The following CCDC30 variants were observed in gnomAD, a reference collection of about 807,000 sequenced individuals.
CCDC30 encodes coiled-coil domain containing 30, also known as coiled-coil domain-containing protein 30.
A neutral mutation model predicts 100.2 loss-of-function variants in CCDC30; 70 were observed. The ratio of observed to expected loss-of-function variants is 0.70; its 90% CI spans 0.58 to 0.85. The LOEUF is 0.85. Ranked by LOEUF, CCDC30 falls within the 40% of genes least tolerant of loss-of-function variation. The probability of loss-of-function intolerance (pLI) is 0.00; values close to 1 mark genes in which losing one functional copy is unlikely to be tolerated. For synonymous variants in CCDC30, 233 were observed against 269.5 expected, an observed-to-expected ratio of 0.86 and a Z score of 1.33; for missense variants, 652 against 771.2, an observed-to-expected ratio of 0.85 and a Z score of 1.83.
intron 13 of CCDC30, among the ~76,000 whole-genome samples, chr1:42,644,333 CTCTT>C (rs1316710454): frequency 1.3e-5 from 2 of 152,246 alleles, no homozygotes; most frequent in African/African-American, 4.8e-5. Flanking sequence ...AGGCCTGTCT[CTCTT>C]TTTCACGTTT....
At chr1:42,619,920 T>C (rs1335017872) in intron 11 of CCDC30, among the ~76,000 whole-genome samples, 3 of 152,242 alleles carry the variant, frequency 2.0e-5, no homozygotes, top group African/African-American at 7.2e-5. Flanking sequence ...TTCATTTCCT[T>C]CAACTTACAA....
At chr1:42,584,959 G>T (rs72661304) in intron 9 of CCDC30, among the ~76,000 whole-genome samples, 19,589 of 152,152 alleles carry the variant, frequency 0.13, 1,454 homozygotes, top group East Asian at 0.17. Flanking sequence ...AGATTGCAGA[G>T]AATTGGTATC....
intron 6 of CCDC30, among the ~76,000 whole-genome samples, chr1:42,499,264 G>A (rs1644271454): frequency 6.6e-6 from 1 of 152,192 alleles, no homozygotes; most frequent in African/African-American, 2.4e-5. Flanking sequence ...AGCCTCTGAA[G>A]TGGTGAGCAA....
intron 6 of CCDC30, among the ~76,000 whole-genome samples, chr1:42,562,154 C>A (rs1645502133): frequency 6.6e-6 from 1 of 152,156 alleles, no homozygotes; most frequent in Non-Finnish European, 1.5e-5. Flanking sequence ...CCAAGACAAT[C>A]CTAAGCAAAA....
chr1:42,531,931 G>A (rs1328018370), intron 6 of CCDC30, among the ~76,000 whole-genome samples: 2 of 152,122 alleles, frequency 1.3e-5, no homozygotes, highest in African/African-American at 4.8e-5. Context: ...ATTTACACAT[G>A]AGAAAACCAA....
At chr1:42,570,652 A>C (rs983610755) in intron 7 of CCDC30, among the ~76,000 whole-genome samples, 3 of 152,138 alleles carry the variant, frequency 2.0e-5, no homozygotes, top group African/African-American at 7.2e-5. Context: ...TTTATCAACT[A>C]TTTATGAATC....
At chr1:42,598,226 G>C (rs1210885214) in intron 10 of CCDC30, among the ~76,000 whole-genome samples, 1 of 147,188 alleles carries the variant, frequency 6.8e-6, no homozygotes, top group Non-Finnish European at 1.5e-5. Flanking sequence ...ATCCTTCAAA[G>C]GTGAGGGAAG....
exon 13 of CCDC30, chr1:42,642,475 G>A (rs1347285051): frequency 7.1e-6 from 11 of 1,556,094 alleles, no homozygotes; most frequent in African/African-American, 1.4e-5. Flanking sequence ...ATCCCTAGGA[G>A]AAGGCAATAC....
chr1:42,602,308 A>G (rs1646419935), intron 10 of CCDC30, among the ~76,000 whole-genome samples: 1 of 152,134 alleles, frequency 6.6e-6, no homozygotes, highest in Non-Finnish European at 1.5e-5. Context: ...GAAGAAATCA[A>G]TGAAATTTAA....
intron 1 of CCDC30, among the ~76,000 whole-genome samples, chr1:42,470,428 CAT>C (rs1643731731): frequency 6.6e-6 from 1 of 151,958 alleles, no homozygotes; most frequent in South Asian, 2.1e-4. Flanking sequence ...AAAAGTTAAA[CAT>C]AGAATTATAT....
At chr1:42,544,185 G>C (rs530386027) in intron 6 of CCDC30, among the ~76,000 whole-genome samples, 3 of 152,004 alleles carry the variant, frequency 2.0e-5, no homozygotes, top group African/African-American at 4.8e-5. Context: ...GAGCCACTGC[G>C]CCTAGCCCAT....
chr1:42,577,337 T>C, intron 8 of CCDC30, 108 bp downstream of exon 12: 1 of 761,960 alleles, frequency 1.3e-6, no homozygotes, highest in Non-Finnish European at 2.1e-6. Context: ...GATAGAATTC[T>C]AAGATTTTTT....
intron 11 of CCDC30, among the ~76,000 whole-genome samples, chr1:42,613,823 T>C (rs1308944981): frequency 6.6e-6 from 1 of 152,168 alleles, no homozygotes; most frequent in African/African-American, 2.4e-5. Flanking sequence ...CAGGGATCTT[T>C]GTGACCTGTA....
chr1:42,636,481 A>G (rs1473445849), intron 11 of CCDC30, among the ~76,000 whole-genome samples: 3 of 152,162 alleles, frequency 2.0e-5, no homozygotes, highest in Admixed American at 1.3e-4. Flanking sequence ...GAAATTAGAT[A>G]AGATTGAAGG....
intron 6 of CCDC30, among the ~76,000 whole-genome samples, chr1:42,525,324 CCA>C (rs1644707571): frequency 6.6e-6 from 1 of 152,052 alleles, no homozygotes. Flanking sequence ...CATTTTTTCC[CCA>C]GTTTTTCTCT....
chr1:42,496,444 G>T (rs1285473287), intron 4 of CCDC30, among the ~76,000 whole-genome samples: 3 of 151,060 alleles, frequency 2.0e-5, no homozygotes, highest in Non-Finnish European at 4.4e-5. Context: ...ACACAACTTT[G>T]TCTGTTTGTA....
intron 1 of CCDC30, among the ~76,000 whole-genome samples, chr1:42,477,219 A>G (rs1372521708): frequency 6.6e-6 from 1 of 151,830 alleles, no homozygotes; most frequent in Non-Finnish European, 1.5e-5. Context: ...CCTACTGCCA[A>G]CATGTGTTTT....
intron 7 of CCDC30, among the ~76,000 whole-genome samples, chr1:42,571,986 A>G (rs1645742792): frequency 6.6e-6 from 1 of 152,228 alleles, no homozygotes; most frequent in African/African-American, 2.4e-5. Context: ...TAAGGTTTCT[A>G]CTTTTTAAAG....
At chr1:42,507,541 T>G (rs1644413913) in intron 6 of CCDC30, among the ~76,000 whole-genome samples, 1 of 152,246 alleles carries the variant, frequency 6.6e-6, no homozygotes. Context: ...AATTTACATT[T>G]CCATACTTTC....
Sources: allele counts gnomAD v4.1 joint callset (sites outside exome capture counted in the v4.1 genomes callset), GRCh38; gene constraint gnomAD v4.1.1; transcripts MANE v1.5; gene names NCBI Gene and HGNC (gene_info 2026-07-23, HGNC 2026-07-21).